The following GABRB2 variants were observed in gnomAD, a reference collection of about 807,000 sequenced individuals.
The protein encoded by GABRB2 is gamma-aminobutyric acid type A receptor subunit beta2.
A neutral mutation model predicts 54.7 loss-of-function variants in GABRB2; 16 were observed. The observed-to-expected ratio is 0.29, with a 90% CI of 0.20 to 0.44. GABRB2 has a LOEUF of 0.44. Among genes scored for constraint, GABRB2 ranks in the 20% least tolerant of loss-of-function variants. The pLI is 1.00. For synonymous variants in GABRB2, 244 were observed against 233.8 expected (o/e 1.04, Z -0.40); for missense variants, 355 against 644.0 (o/e 0.55, Z 4.86).
intron 5 of GABRB2, among the ~76,000 whole-genome samples, chr5:161,345,027 C>T (rs1323857274): frequency 2.6e-5 from 4 of 151,968 alleles, no homozygotes; most frequent in Admixed American, 2.0e-4. Context: ...GGGAACATCA[C>T]ACACAGGGCC....
intron 5 of GABRB2, among the ~76,000 whole-genome samples, chr5:161,395,147 G>T (rs187636342): frequency 1.4e-4 from 22 of 152,154 alleles, no homozygotes. Context: ...CTTCATCTTT[G>T]GTAAGGTTGG....
chr5:161,460,560 C>T (rs995780601), intron 3 of GABRB2, among the ~76,000 whole-genome samples: 1 of 152,106 alleles, frequency 6.6e-6, no homozygotes, highest in African/African-American at 2.4e-5. Flanking sequence ...GATATAAACA[C>T]AATTTTAAAA....
chr5:161,412,825 T>C (rs1324223796), intron 4 of GABRB2, among the ~76,000 whole-genome samples: 2 of 152,214 alleles, frequency 1.3e-5, no homozygotes, highest in Non-Finnish European at 2.9e-5. Flanking sequence ...CCAAAGTGGT[T>C]GCCTTAACTA....
At chr5:161,319,666 C>T (rs543257407) in intron 9 of GABRB2, among the ~76,000 whole-genome samples, 34 of 151,450 alleles carry the variant, frequency 2.2e-4, no homozygotes, top group Middle Eastern at 6.8e-3. Flanking sequence ...ACCTTATTTA[C>T]GTTATGTGAC....
intron 3 of GABRB2, among the ~76,000 whole-genome samples, chr5:161,475,319 C>T (rs1758561927): frequency 6.6e-6 from 1 of 151,812 alleles, no homozygotes; most frequent in Admixed American, 6.6e-5. Flanking sequence ...AATGTTAATC[C>T]TCACTTTATT....
chr5:161,346,372 G>A (rs1021490113), intron 5 of GABRB2, among the ~76,000 whole-genome samples: 1 of 152,076 alleles, frequency 6.6e-6, no homozygotes, highest in African/African-American at 2.4e-5. Context: ...TCACACAGAA[G>A]AGTTTGTTAA....
At chr5:161,397,419 T>C (rs1756037959) in intron 5 of GABRB2, among the ~76,000 whole-genome samples, 1 of 152,210 alleles carries the variant, frequency 6.6e-6, no homozygotes, top group Admixed American at 6.5e-5. Flanking sequence ...GTAAGTGTTT[T>C]AAGTATAAGC....
intron 3 of GABRB2, among the ~76,000 whole-genome samples, chr5:161,483,650 T>G (rs1449828452): frequency 6.6e-6 from 1 of 151,980 alleles, no homozygotes; most frequent in Non-Finnish European, 1.5e-5. Flanking sequence ...GGAAAAATTT[T>G]AATGTGGTAT....
At chr5:161,297,030 C>A (rs1368681157) in intron 9 of GABRB2, among the ~76,000 whole-genome samples, 2 of 152,052 alleles carry the variant, frequency 1.3e-5, no homozygotes, top group African/African-American at 4.8e-5. Context: ...ACTGACATGG[C>A]AAAAAACAAC....
At chr5:161,330,018 TTGG>T (rs1753783320) in intron 8 of GABRB2, 1 of 152,180 alleles carries the variant, frequency 6.6e-6, no homozygotes, top group African/African-American at 2.4e-5. Context: ...TTAGAATAAC[TTGG>T]GGAACTTTTT....
chr5:161,383,694 A>G (rs181876630), intron 5 of GABRB2, among the ~76,000 whole-genome samples: 1 of 152,212 alleles, frequency 6.6e-6, no homozygotes, highest in African/African-American at 2.4e-5. Flanking sequence ...GGAACAATTT[A>G]TTAGATAGTG....
intron 5 of GABRB2, among the ~76,000 whole-genome samples, chr5:161,391,399 A>G (rs1755816355): frequency 1.3e-5 from 2 of 152,154 alleles, no homozygotes; most frequent in South Asian, 4.1e-4. Flanking sequence ...GATATCAAAG[A>G]AGGGTTAGTA....
At chr5:161,516,498 T>C (rs549621824) in intron 3 of GABRB2, among the ~76,000 whole-genome samples, 126 of 152,202 alleles carry the variant, frequency 8.3e-4, no homozygotes, top group African/African-American at 2.9e-3. Flanking sequence ...GAAGTGAAGT[T>C]AAGAAAGGCA....
chr5:161,346,716 A>G (rs972771447), intron 5 of GABRB2, among the ~76,000 whole-genome samples: 7 of 152,132 alleles, frequency 4.6e-5, no homozygotes, highest in Admixed American at 1.3e-4. Flanking sequence ...ATCTTGACTA[A>G]TAAGACAAAT....
chr5:161,449,744 A>C (rs931604476), intron 4 of GABRB2, among the ~76,000 whole-genome samples: 3 of 152,020 alleles, frequency 2.0e-5, no homozygotes, highest in African/African-American at 7.2e-5. Context: ...AGACATATAG[A>C]TATATATACA....
At chr5:161,501,384 G>C (rs535818998) in intron 3 of GABRB2, among the ~76,000 whole-genome samples, 1 of 152,192 alleles carries the variant, frequency 6.6e-6, no homozygotes, top group Non-Finnish European at 1.5e-5. Flanking sequence ...TCAACAGAGA[G>C]TTGTGATTTT....
intron 3 of GABRB2, among the ~76,000 whole-genome samples, chr5:161,541,451 CT>C (rs1760813993): frequency 6.6e-6 from 1 of 152,188 alleles, no homozygotes; most frequent in African/African-American, 2.4e-5. Flanking sequence ...ATGTCATCTT[CT>C]TCTGATAGAA....
chr5:161,402,951 A>AT (rs943471804), intron 5 of GABRB2, among the ~76,000 whole-genome samples: 1 of 151,556 alleles, frequency 6.6e-6, no homozygotes, highest in Admixed American at 6.6e-5. Flanking sequence ...GATCATTTGA[A>AT]TTTTTTAAAA....
intron 9 of GABRB2, among the ~76,000 whole-genome samples, chr5:161,306,332 A>G (rs1260949194): frequency 2.0e-5 from 3 of 152,234 alleles, no homozygotes; most frequent in Admixed American, 6.5e-5. Flanking sequence ...TCCCTGGAAG[A>G]TATTGACTGA....
Sources: gnomAD v4.1 joint callset for allele counts (sites outside exome capture counted in the v4.1 genomes callset) on GRCh38, gnomAD v4.1.1 for gene constraint, MANE v1.5 for transcripts, NCBI Gene and HGNC (gene_info 2026-07-23, HGNC 2026-07-21) for gene names.